The following MON2 variants were observed in gnomAD, a reference collection of about 807,000 sequenced individuals.
MON2 encodes protein MON2 homolog.
In MON2, 84 loss-of-function variants were observed where a neutral mutation model predicts 208.6. The observed-to-expected ratio is 0.40, with a 90% CI of 0.34 to 0.48. MON2 has a LOEUF of 0.48. Ranked by LOEUF, MON2 falls within the 20% of genes least tolerant of loss-of-function variation. The pLI, the probability that MON2 is intolerant of heterozygous loss-of-function variation, is 0.59. For synonymous variants in MON2, 660 were observed against 694.0 expected (o/e 0.95, Z 0.77); for missense variants, 1,611 against 2,015.4 (o/e 0.80, Z 3.84).
rs572350356 is a variant in MON2 at position 62,569,871 on chromosome 12, GT to G, written c.4324-1519del. ...GCACATTTCAAGCTAATATGTAATG[GT>G]TAATATGTATATTGTATGAGTATTC... On this transcript the variant is annotated intron_variant, in intron 29 of 34. Transcript: ENST00000393630. Among the ~76,000 whole-genome samples the G allele has an allele frequency of 3.1e-4, 47 of 152,282 alleles. No individual in the cohort carries two copies. The East Asian group carries it at 8.7e-3, about 28-fold the overall frequency.
intron 1 of MON2, among the ~76,000 whole-genome samples, chr12:62,473,456 T>A (rs1471847917): frequency 6.6e-6 from 1 of 152,262 alleles, no homozygotes; most frequent in Non-Finnish European, 1.5e-5. Flanking sequence ...TTTACCTTGC[T>A]TCATTATTTG....
At chr12:62,470,142 G>A (rs2068725041) in intron 1 of MON2, among the ~76,000 whole-genome samples, 1 of 151,902 alleles carries the variant, frequency 6.6e-6, no homozygotes, top group African/African-American at 2.4e-5. Flanking sequence ...CCTGCGATTA[G>A]GCAATCTGTC....
At chr12:62,515,384 G>A (rs1043356152) in intron 8 of MON2, among the ~76,000 whole-genome samples, 1 of 152,194 alleles carries the variant, frequency 6.6e-6, no homozygotes, top group African/African-American at 2.4e-5. Context: ...ACAAATTACT[G>A]TGTAATTCCA....
intron 1 of MON2, among the ~76,000 whole-genome samples, chr12:62,478,701 A>T (rs532625272): frequency 6.6e-6 from 1 of 152,236 alleles, no homozygotes; most frequent in Non-Finnish European, 1.5e-5. Flanking sequence ...TCCTTTTAAA[A>T]GATGTCCTTA....
intron 8 of MON2, among the ~76,000 whole-genome samples, chr12:62,515,419 C>A (rs774463796): frequency 1.3e-5 from 2 of 152,078 alleles, no homozygotes; most frequent in Non-Finnish European, 2.9e-5. Context: ...CTTGAGTAGT[C>A]AAATTCATAG....
chr12:62,495,854 A>G lies in MON2; in HGVS notation c.435+707A>G, dbSNP rs143623807. On this transcript the variant is annotated intron_variant, in intron 4 of 34. Transcript: ENST00000393630. ...AATCTTCTTTCACCATTTATACTAGATAAGATTGCATGTATGATGGCTAGT... is the reference window on the plus strand; with the variant it reads ...AATCTTCTTTCACCATTTATACTAGGTAAGATTGCATGTATGATGGCTAGT... Among the ~76,000 whole-genome samples the G allele has an allele frequency of 2.0e-3, 302 of 152,246 alleles. 4 individuals are homozygous for G. The East Asian group carries it at 0.032, about 16-fold the overall frequency.
In MON2 at chr12:62,546,990, A is replaced by T; in HGVS notation, c.2671A>T (p.Ile891Phe). The T allele has an allele frequency of 6.2e-7, 1 of 1,613,210 alleles. No individual in the cohort carries two copies. Among genetic ancestry groups the T allele is most frequent in the Non-Finnish European group, 8.5e-7 (1 of 1,179,370 alleles). Residue 891 changes from isoleucine to phenylalanine, a missense_variant, in exon 22 of 35, where the codon ATT (isoleucine) becomes TTT (phenylalanine). Physicochemically the swap from Ile to Phe is conservative, Grantham distance 21. Transcript: ENST00000393630. ...CAAGCAGTTAGAATGCGTGTTGCAGATTCTGCAGAGTCAGGGAGACAGTCT... is the reference window on the plus strand; with the variant it reads ...CAAGCAGTTAGAATGCGTGTTGCAGTTTCTGCAGAGTCAGGGAGACAGTCT... ...RLKQLECVLQILQSQGDSLGP... is the reference protein window; with the variant it reads ...RLKQLECVLQFLQSQGDSLGP...
chr12:62,527,845 GAA>G (rs77099981), intron 11 of MON2, among the ~76,000 whole-genome samples: 5 of 130,400 alleles, frequency 3.8e-5, no homozygotes, highest in African/African-American at 8.4e-5. Flanking sequence ...CTTGAGGAAG[GAA>G]AAAAAAAAAA....
intron 2 of MON2, among the ~76,000 whole-genome samples, chr12:62,489,720 C>T (rs2070005525): frequency 6.6e-6 from 1 of 151,998 alleles, no homozygotes. Context: ...TAAATAGCCC[C>T]TTCCCTTTCC....
chr12:62,488,834 C>CT (rs1474487620), intron 2 of MON2, among the ~76,000 whole-genome samples: 2 of 151,692 alleles, frequency 1.3e-5, no homozygotes, highest in African/African-American at 2.4e-5. Context: ...TGATGCCAGT[C>CT]TTTTTAAATG....
chr12:62,531,421 T>C (rs945185615), intron 11 of MON2, among the ~76,000 whole-genome samples: 9 of 152,226 alleles, frequency 5.9e-5, no homozygotes, highest in Non-Finnish European at 1.0e-4. Context: ...GGACCATCAC[T>C]CTTCTGCATG....
chr12:62,561,670 C>G (rs2074203194), intron 26 of MON2, among the ~76,000 whole-genome samples: 1 of 151,948 alleles, frequency 6.6e-6, no homozygotes, highest in Non-Finnish European at 1.5e-5. Flanking sequence ...GCAAGCAAGG[C>G]TAGATCAAAT....
intron 8 of MON2, chr12:62,509,107 C>T (rs972314888): frequency 6.7e-5 from 10 of 149,072 alleles, no homozygotes; most frequent in African/African-American, 2.5e-4. Flanking sequence ...CATTTATATT[C>T]TTCTTCTTCT....
chr12:62,537,208 A>G lies in MON2; in HGVS notation c.1958A>G (p.Gln653Arg). Residue 653 changes from glutamine to arginine, a missense_variant, in exon 15 of 35, where the codon CAA becomes CGA. Coordinates refer to ENST00000393630, the MANE Select transcript of MON2 (RefSeq NM_015026.3). Reference sequence around the variant, plus strand: ...ATAAGTCCATCAAGTGAATCTCACCAACAAGTTGTGGCAGTGGGTCAACCT... The same window carrying G: ...ATAAGTCCATCAAGTGAATCTCACCGACAAGTTGTGGCAGTGGGTCAACCT... ...MMISPSSESHQQVVAVGQPLA... is the reference protein window; with the variant it reads ...MMISPSSESHRQVVAVGQPLA... 6.2e-7 allele frequency: 1 copy of G among 1,613,678 alleles called. No individual in the cohort carries two copies. Among genetic ancestry groups the G allele is most frequent in the Admixed American group, 1.7e-5 (1 of 59,998 alleles).
intron 1 of MON2, among the ~76,000 whole-genome samples, chr12:62,473,057 G>A (rs942740648): frequency 1.3e-5 from 2 of 152,052 alleles, no homozygotes; most frequent in Non-Finnish European, 2.9e-5. Context: ...TGAAGTAGAA[G>A]GTTTTGCTGT....
rs1473836570 is a variant in MON2, at chr12:62,560,492, A to C, written c.3411A>C (p.Gly1137=). 2 of 1,592,062 alleles carry C rather than the reference A, an allele frequency of 1.3e-6. No homozygotes were observed. The highest frequency in any genetic ancestry group is 1.7e-6 in the Non-Finnish European group (2 of 1,173,890). ...TTTTTTTTTCTCTTCCTAATATAGG[A>C]GATTTTTCAAGAGCTTGGGATGTTC... ...NTRRYLLQPL[G]DFSRAWDVLL... is the part of the protein sequence containing the mutation. Residue 1137 remains glycine (G), a splice_region_variant and synonymous_variant, in exon 26 of 35, where the codon GGA becomes GGC. Coordinates refer to ENST00000393630, the MANE Select transcript of MON2 (RefSeq NM_015026.3).
chr12:62,495,205 G>A, intron 4 of MON2, 58 bp downstream of exon 4: 3 of 1,460,206 alleles, frequency 2.1e-6, no homozygotes, highest in Non-Finnish European at 1.8e-6. Flanking sequence ...TGAATAAGCT[G>A]GCTGAAAGAG....
chr12:62,552,914 G>A lies in MON2; in HGVS notation c.2950G>A (p.Glu984Lys). The A allele has an allele frequency of 6.2e-7, 1 of 1,613,726 alleles. No individual in the cohort carries two copies. Among genetic ancestry groups the A allele is most frequent in the Non-Finnish European group, 8.5e-7 (1 of 1,179,712 alleles). ...NISDYFFQRG[E>K]TIEKELNKEE... ...TTCAGATTATTTTTTCCAAAGAGGG[G>A]AAACTATTGAAAAAGAACTAAATAA... Residue 984 changes from glutamate (E) to lysine (K), a missense_variant, in exon 24 of 35, where the codon GAA becomes AAA. Transcript: ENST00000393630.
At chr12:62,494,810 A>G (rs2070381534) in intron 3 of MON2, among the ~76,000 whole-genome samples, 1 of 152,204 alleles carries the variant, frequency 6.6e-6, no homozygotes, top group Non-Finnish European at 1.5e-5. Context: ...CAAATAGGAT[A>G]TTACAATTTT....
Sources: allele counts gnomAD v4.1 joint callset (sites outside exome capture counted in the v4.1 genomes callset), GRCh38; gene constraint gnomAD v4.1.1; transcripts MANE v1.5; gene names NCBI Gene and HGNC (gene_info 2026-07-23, HGNC 2026-07-21).